RALYL: variants seen among roughly 807,000 people sequenced by gnomAD.
The protein encoded by RALYL is RALY RNA binding protein like, also known as RNA-binding Raly-like protein.
In RALYL, 29 loss-of-function variants were observed where a neutral mutation model predicts 35.1. That is an observed-to-expected ratio of 0.83 (90% CI 0.61 to 1.13). The LOEUF (loss-of-function observed/expected upper bound fraction) is 1.13. Ranked by LOEUF, RALYL falls within the 50% of genes most tolerant of loss-of-function variation. RALYL has a pLI of 0.00. For synonymous variants in RALYL, 120 were observed against 127.6 expected (o/e 0.94, Z 0.40); for missense variants, 359 against 360.4 (o/e 1.00, Z 0.03).
intron 1 of RALYL, among the ~76,000 whole-genome samples, chr8:84,525,821 T>G (rs1194861000): frequency 6.6e-6 from 1 of 152,114 alleles, no homozygotes; most frequent in Non-Finnish European, 1.5e-5. Flanking sequence ...TGATTCATTT[T>G]TTAACATCTT....
intron 3 of RALYL, among the ~76,000 whole-genome samples, chr8:84,784,976 C>T (rs531281069): frequency 6.6e-6 from 1 of 152,214 alleles, no homozygotes; most frequent in South Asian, 2.1e-4. Context: ...ACTTAGGGAT[C>T]TTCTTCCAAC....
In RALYL at chr8:84,457,648, C is replaced by T. The variant is rs183543744; in HGVS notation, c.-23-71651C>T. ...ATTTTAAGCATTCTCTAATATCTTA[C>T]GCCTTGTCTTAACCTCAGTATTAAT... On this transcript the variant is annotated intron_variant, in intron 1 of 8. Coordinates refer to ENST00000521268, the MANE Select transcript of RALYL (RefSeq NM_173848.7). Among the ~76,000 whole-genome samples the T allele has an allele frequency of 1.2e-3, 184 of 151,836 alleles. 2 individuals are homozygous for T. The highest frequency in any genetic ancestry group is 3.9e-3 in the African/African-American group (160 of 41,484).
intron 7 of RALYL, among the ~76,000 whole-genome samples, chr8:84,875,593 T>C (rs16913385): frequency 0.034 from 5,188 of 152,168 alleles, 192 homozygotes; most frequent in African/African-American, 0.089. Context: ...ATGAAGAAAA[T>C]GAATTTGTAA....
intron 2 of RALYL, among the ~76,000 whole-genome samples, chr8:84,652,763 G>A (rs1382818151): frequency 6.6e-6 from 1 of 151,896 alleles, no homozygotes; most frequent in African/African-American, 2.4e-5. Context: ...TCTGTCTCTG[G>A]GGCCCATGTA....
At chr8:84,482,367 CACA>C (rs2054138790) in intron 1 of RALYL, among the ~76,000 whole-genome samples, 2 of 152,044 alleles carry the variant, frequency 1.3e-5, no homozygotes, top group Admixed American at 1.3e-4. Context: ...GAATATTTAG[CACA>C]ACCAATTTTA....
chr8:84,466,711 AG>A (rs1248035067), intron 1 of RALYL, among the ~76,000 whole-genome samples: 1 of 152,020 alleles, frequency 6.6e-6, no homozygotes, highest in Non-Finnish European at 1.5e-5. Context: ...TAGTTTCAGA[AG>A]GAATGGTACC....
chr8:84,384,764 C>T (rs567676044), intron 1 of RALYL, among the ~76,000 whole-genome samples: 1 of 151,774 alleles, frequency 6.6e-6, no homozygotes, highest in Non-Finnish European at 1.5e-5. Context: ...GTCCTAGGTA[C>T]CAAATTAAAC....
rs556391539 is a variant in RALYL, at chr8:84,187,770, T to C, written c.-24+3346T>C. On this transcript the variant is annotated intron_variant, in intron 1 of 8. Coordinates refer to ENST00000521268, the MANE Select transcript of RALYL (RefSeq NM_173848.7). ...GGATAGCTGTTCCTTAAATGCAATA[T>C]TGACTTATTTTAAGAGCCAGTAGTA... Among the ~76,000 whole-genome samples, 49 of 152,258 alleles carry C rather than the reference T, an allele frequency of 3.2e-4. No individual in the cohort carries two copies. In the South Asian group the frequency reaches 6.8e-3, roughly 21 times the overall value.
chr8:84,744,233 A>T (rs537991744), intron 2 of RALYL, among the ~76,000 whole-genome samples: 5 of 152,098 alleles, frequency 3.3e-5, no homozygotes, highest in African/African-American at 1.2e-4. Flanking sequence ...CTCACTCTGT[A>T]ATGTCCATAA....
intron 8 of RALYL, among the ~76,000 whole-genome samples, chr8:84,912,281 G>A (rs533403786): frequency 6.6e-6 from 1 of 151,974 alleles, no homozygotes; most frequent in Non-Finnish European, 1.5e-5. Context: ...TATAATGAAA[G>A]ATGCTCCTAT....
At chr8:84,654,296 T>C (rs1588787413) in intron 2 of RALYL, among the ~76,000 whole-genome samples, 1 of 114,964 alleles carries the variant, frequency 8.7e-6, no homozygotes, top group African/African-American at 4.3e-5. Context: ...TATATATATA[T>C]ATATATATAT....
intron 1 of RALYL, among the ~76,000 whole-genome samples, chr8:84,352,253 C>G (rs768849632): frequency 6.7e-5 from 10 of 149,978 alleles, no homozygotes; most frequent in Admixed American, 1.3e-4. Flanking sequence ...TGGATTTTAC[C>G]CGGTTAGTTC....
intron 1 of RALYL, among the ~76,000 whole-genome samples, chr8:84,267,162 G>A (rs1263470368): frequency 2.0e-5 from 3 of 151,980 alleles, no homozygotes; most frequent in Admixed American, 6.6e-5. Context: ...TCTTGCTAAA[G>A]GAAAATGACC....
intron 1 of RALYL, among the ~76,000 whole-genome samples, chr8:84,425,815 G>T (rs1187526467): frequency 2.0e-5 from 3 of 151,810 alleles, no homozygotes; most frequent in African/African-American, 4.8e-5. Context: ...GTGTGTGTGT[G>T]TGTGTGTGTA....
chr8:84,322,865 G>GT (rs1358986112), intron 1 of RALYL, among the ~76,000 whole-genome samples: 56 of 151,974 alleles, frequency 3.7e-4, no homozygotes, highest in Admixed American at 2.5e-3. Flanking sequence ...TTGCTGCTAG[G>GT]ATACTTTCAT....
chr8:84,665,280 T>G (rs898266667), intron 2 of RALYL, among the ~76,000 whole-genome samples: 1 of 150,318 alleles, frequency 6.7e-6, no homozygotes, highest in Non-Finnish European at 1.5e-5. Flanking sequence ...GAAGTTTTCT[T>G]TTTTTGTTGT....
intron 8 of RALYL, among the ~76,000 whole-genome samples, chr8:84,917,571 C>G (rs1292606908): frequency 6.6e-6 from 1 of 150,700 alleles, no homozygotes; most frequent in Non-Finnish European, 1.5e-5. Flanking sequence ...TGTCACTCAT[C>G]TAAGCCTTGT....
intron 2 of RALYL, among the ~76,000 whole-genome samples, chr8:84,628,766 A>G (rs935113111): frequency 2.6e-5 from 4 of 152,100 alleles, no homozygotes; most frequent in Non-Finnish European, 5.9e-5. Context: ...CTCCATGAGC[A>G]TCTACAATCT....
At chr8:84,768,275 A>G (rs1357913660) in intron 2 of RALYL, among the ~76,000 whole-genome samples, 1 of 152,134 alleles carries the variant, frequency 6.6e-6, no homozygotes, top group Admixed American at 6.5e-5. Context: ...GAGGCATGAG[A>G]ACCTAAGCCT....
Sources: gnomAD v4.1 joint callset for allele counts (sites outside exome capture counted in the v4.1 genomes callset) on GRCh38, gnomAD v4.1.1 for gene constraint, MANE v1.5 for transcripts, NCBI Gene and HGNC (gene_info 2026-07-23, HGNC 2026-07-21) for gene names.